The following MYH13 variants were observed in gnomAD, a reference collection of about 807,000 sequenced individuals.
MYH13 encodes myosin-13.
In MYH13, 177 loss-of-function variants were observed where a neutral mutation model predicts 232.1. That is an observed-to-expected ratio of 0.76 (90% CI 0.67 to 0.86). The LOEUF (loss-of-function observed/expected upper bound fraction) is 0.86, where lower values mean the gene tolerates loss of function less well. Among genes scored for constraint, MYH13 ranks in the 40% least tolerant of loss-of-function variants. The pLI is 0.00. For synonymous variants in MYH13, 884 were observed against 923.5 expected (o/e 0.96, Z 0.78); for missense variants, 2,246 against 2,405.9 (o/e 0.93, Z 1.39).
intron 13 of MYH13, among the ~76,000 whole-genome samples, chr17:10,345,822 G>A (rs748445831): frequency 4.0e-5 from 6 of 151,678 alleles, no homozygotes; most frequent in East Asian, 1.9e-4. Context: ...GTGAAACCCC[G>A]TCTCTACTAA....
At chr17:10,322,979 T>G (rs1170690249) in intron 23 of MYH13, among the ~76,000 whole-genome samples, 1 of 152,092 alleles carries the variant, frequency 6.6e-6, no homozygotes, top group African/African-American at 2.4e-5. Context: ...CAGTAGGTAT[T>G]TAATATTTGG....
At chr17:10,346,025 AAG>A (rs1258496674) in intron 13 of MYH13, among the ~76,000 whole-genome samples, 11 of 97,374 alleles carry the variant, frequency 1.1e-4, no homozygotes, top group East Asian at 9.4e-4. Context: ...AAAAGAAAAA[AAG>A]AAAATCAAAA....
At position 10,362,327 on chromosome 17, in the gene MYH13, A is replaced by G. The variant is rs1370002278; in HGVS notation, c.348+33T>C. ...GGATCTCGTTTTTACTCAGAGAGAGACATGAAATAAAAAGGTGTTTACAGA... is the reference window on the plus strand; with the variant it reads ...GGATCTCGTTTTTACTCAGAGAGAGGCATGAAATAAAAAGGTGTTTACAGA... On this transcript the variant is annotated intron_variant, in intron 4 of 40. Transcript: ENST00000252172. 3.7e-6 allele frequency: 6 copies of G among 1,614,042 alleles called. No homozygotes were observed. The South Asian group carries it at 6.6e-5, about 18-fold the overall frequency.
In MYH13 at chr17:10,306,880, C is replaced by T. The variant is rs1025646148; in HGVS notation, c.5295+59G>A. ...GAAACATACTTGCCACACCCTGGCT[C>T]AGAGGCCCCACTTTCTCAGTTCCAA... On this transcript the variant is annotated intron_variant, in intron 36 of 40. Transcript: ENST00000252172. This position sits in a 1 kb window ranked among gnomAD's most constrained non-coding sequence, Gnocchi z 4.3. The T allele has an allele frequency of 1.2e-6, 2 of 1,607,278 alleles. No individual in the cohort carries two copies. The highest frequency in any genetic ancestry group is 8.5e-7 in the Non-Finnish European group (1 of 1,179,264).
At chr17:10,372,478 T>C (rs1019968217) in intron 1 of MYH13, among the ~76,000 whole-genome samples, 8 of 152,222 alleles carry the variant, frequency 5.3e-5, no homozygotes, top group South Asian at 4.1e-4. Flanking sequence ...GAGAACAGTC[T>C]GCAAACCAGT....
At chr17:10,316,050 G>A in intron 27 of MYH13, 25 bp from the exon 28 acceptor site, 1 of 1,612,990 alleles carries the variant, frequency 6.2e-7, no homozygotes, top group Non-Finnish European at 8.5e-7. Context: ...AAGTCAACAC[G>A]AATGGGAAGA....
chr17:10,349,036 C>T (rs2071689088), intron 12 of MYH13, among the ~76,000 whole-genome samples: 1 of 150,392 alleles, frequency 6.6e-6, no homozygotes, highest in Admixed American at 6.6e-5. Flanking sequence ...TCCCTTCCTT[C>T]TCCCTTCCCT....
intron 7 of MYH13, 114 bp from the exon 8 acceptor site, chr17:10,357,941 C>T: frequency 1.2e-6 from 1 of 863,038 alleles, no homozygotes. Flanking sequence ...TGTCGACCAG[C>T]TCCACCTGGT....
intron 2 of MYH13, among the ~76,000 whole-genome samples, chr17:10,369,226 C>G (rs780120651): frequency 2.4e-4 from 36 of 152,104 alleles, no homozygotes; most frequent in Non-Finnish European, 4.6e-4. Flanking sequence ...ATCCTCATTT[C>G]AGGGATAAAT....
chr17:10,345,159 C>T, intron 15 of MYH13, 43 bp downstream of exon 15: 1 of 1,613,712 alleles, frequency 6.2e-7, no homozygotes. Flanking sequence ...AGGGGAGGGC[C>T]CCCAATAAGG....
intron 35 of MYH13, among the ~76,000 whole-genome samples, chr17:10,308,710 T>TTTG (rs1352202435): frequency 6.6e-6 from 1 of 152,008 alleles, no homozygotes; most frequent in Non-Finnish European, 1.5e-5. Flanking sequence ...ATTTTGTGTT[T>TTTG]TTGTTGTTGT....
At chr17:10,342,070 G>C (rs1190978220) in intron 16 of MYH13, among the ~76,000 whole-genome samples, 1 of 152,020 alleles carries the variant, frequency 6.6e-6, no homozygotes, top group African/African-American at 2.4e-5. Context: ...GTTTGAGATA[G>C]GGTCTCACTC....
intron 18 of MYH13, 83 bp downstream of exon 18, chr17:10,340,067 C>T (rs973442023): frequency 1.6e-6 from 2 of 1,232,786 alleles, no homozygotes; most frequent in African/African-American, 3.0e-5. Flanking sequence ...TCACTCTTTC[C>T]AAACGCACAC....
intron 2 of MYH13, among the ~76,000 whole-genome samples, chr17:10,367,452 G>A (rs775693077): frequency 6.6e-6 from 1 of 152,078 alleles, no homozygotes; most frequent in Non-Finnish European, 1.5e-5. Context: ...GGGTTCAAGT[G>A]ATTCTCCTGC....
In MYH13 at chr17:10,318,985, G is replaced by C; in HGVS notation, c.3543C>G (p.Asp1181Glu). ...REAEFQKMRR[D>E]LEEATLQHEA... The stretch of plus-strand genomic sequence containing the variant: ...CGTGCTGCAGGGTGGCCTCCTCCAG[G>C]TCCCTGCGCATTTTCTGGAACTCAG... The change falls in exon 27 of 41, where the codon GAC becomes GAG. Residue 1181 changes from aspartate to glutamate, a missense_variant. Coordinates refer to ENST00000252172, the MANE Select transcript of MYH13 (RefSeq NM_003802.3). 6.2e-7 allele frequency: 1 copy of C among 1,614,096 alleles called. No individual in the cohort carries two copies. Among genetic ancestry groups the C allele is most frequent in the Non-Finnish European group, 8.5e-7 (1 of 1,180,022 alleles).
At chr17:10,358,767 A>T (rs541990937) in intron 7 of MYH13, among the ~76,000 whole-genome samples, 1 of 152,018 alleles carries the variant, frequency 6.6e-6, no homozygotes, top group East Asian at 1.9e-4. Context: ...CCAAAATAAA[A>T]AGGAAAAAAA....
At chr17:10,324,644 C>A (rs1296807439) in intron 22 of MYH13, among the ~76,000 whole-genome samples, 1 of 151,330 alleles carries the variant, frequency 6.6e-6, no homozygotes, top group Non-Finnish European at 1.5e-5. Context: ...TGGGATTTCA[C>A]CATGTTGGCC....
intron 3 of MYH13, among the ~76,000 whole-genome samples, chr17:10,363,678 G>A (rs12947470): frequency 0.17 from 25,295 of 152,098 alleles, 2,493 homozygotes; most frequent in Non-Finnish European, 0.23. Context: ...TTCCTGAGGC[G>A]GTGGTGAGGG....
intron 18 of MYH13, among the ~76,000 whole-genome samples, chr17:10,338,947 C>T (rs937964641): frequency 4.6e-5 from 7 of 152,058 alleles, no homozygotes; most frequent in African/African-American, 1.2e-4. Flanking sequence ...GTGATCCACC[C>T]GACTCGGCCT....
Sources: gnomAD v4.1 joint callset for allele counts (sites outside exome capture counted in the v4.1 genomes callset) on GRCh38, gnomAD v4.1.1 for gene constraint, Gnocchi (gnomAD v3.1) non-coding constraint, MANE v1.5 for transcripts, NCBI Gene and HGNC (gene_info 2026-07-23, HGNC 2026-07-21) for gene names.